Variants in ITCH observed in about 807,000 individuals in gnomAD.
ITCH encodes E3 ubiquitin-protein ligase Itchy homolog.
ITCH carries 28 observed loss-of-function variants against 126.8 expected under a neutral mutation model. The observed-to-expected ratio is 0.22, with a 90% confidence interval of 0.16 to 0.30. ITCH has a LOEUF of 0.30. Among genes scored for constraint, ITCH ranks in the 10% least tolerant of loss-of-function variants. The probability of loss-of-function intolerance (pLI) is 1.00; values close to 1 mark genes in which losing one functional copy is unlikely to be tolerated. For synonymous variants in ITCH, 342 were observed against 340.0 expected (o/e 1.01, Z -0.06); for missense variants, 631 against 1,032.4 (o/e 0.61, Z 5.33).
chr20:34,488,827 C>G (rs1405455509), intron 20 of ITCH, among the ~76,000 whole-genome samples: 4 of 152,198 alleles, frequency 2.6e-5, no homozygotes, highest in Admixed American at 2.6e-4. Flanking sequence ...CACTTGAGGC[C>G]AGATATTTAA....
intron 12 of ITCH, among the ~76,000 whole-genome samples, chr20:34,450,655 GC>G (rs1985083049): frequency 6.6e-6 from 1 of 152,152 alleles, no homozygotes; most frequent in African/African-American, 2.4e-5. Flanking sequence ...ACAACATAAA[GC>G]CCATTGTGGA....
At chr20:34,431,079 A>G (rs986978468) in intron 7 of ITCH, among the ~76,000 whole-genome samples, 4 of 152,090 alleles carry the variant, frequency 2.6e-5, no homozygotes, top group African/African-American at 7.2e-5. Context: ...ACCAAAACCT[A>G]AGAAGGAAGG....
chr20:34,488,582 G>A (rs557358543), intron 20 of ITCH, among the ~76,000 whole-genome samples: 126 of 152,070 alleles, frequency 8.3e-4, no homozygotes, highest in African/African-American at 2.7e-3. Context: ...GTGTGGTGGC[G>A]CACGCCTGTA....
intron 14 of ITCH, chr20:34,466,324 A>T (rs761592276): frequency 7.7e-6 from 4 of 516,364 alleles, no homozygotes; most frequent in Admixed American, 6.1e-5. Context: ...TTTTTTGCTG[A>T]TTTTTTTTTA....
intron 3 of ITCH, among the ~76,000 whole-genome samples, chr20:34,398,794 G>A (rs2038767971): frequency 6.6e-6 from 1 of 151,358 alleles, no homozygotes; most frequent in African/African-American, 2.4e-5. Flanking sequence ...TCAAGTGTAG[G>A]GCAAAAAACA....
At chr20:34,437,610 G>A (rs1035069451) in intron 7 of ITCH, among the ~76,000 whole-genome samples, 1 of 152,176 alleles carries the variant, frequency 6.6e-6, no homozygotes, top group Non-Finnish European at 1.5e-5. Flanking sequence ...CCCGGCCTCT[G>A]TTAGTTGAAT....
intron 3 of ITCH, among the ~76,000 whole-genome samples, chr20:34,404,975 A>G (rs1034381424): frequency 6.6e-6 from 1 of 151,548 alleles, no homozygotes; most frequent in Non-Finnish European, 1.5e-5. Flanking sequence ...CTCTACCAGA[A>G]AAAAAATACA....
intron 16 of ITCH, chr20:34,475,819 C>T: frequency 1.5e-6 from 1 of 685,184 alleles, no homozygotes; most frequent in Non-Finnish European, 2.6e-6. Flanking sequence ...AATAGTAAAG[C>T]TAGTCATAAT....
chr20:34,434,675 C>A (rs1443257921), intron 7 of ITCH, among the ~76,000 whole-genome samples: 1 of 151,952 alleles, frequency 6.6e-6, no homozygotes, highest in Non-Finnish European at 1.5e-5. Context: ...AGCAGATAAT[C>A]ATTATTTTTA....
intron 2 of ITCH, among the ~76,000 whole-genome samples, chr20:34,369,843 C>T (rs938803629): frequency 6.6e-6 from 1 of 152,038 alleles, no homozygotes; most frequent in Admixed American, 6.6e-5. Context: ...GTGGCTCATG[C>T]CTGTAATTCC....
chr20:34,503,873 T>TG (rs1569012767), intron 23 of ITCH, among the ~76,000 whole-genome samples: 16 of 106,122 alleles, frequency 1.5e-4, no homozygotes, highest in African/African-American at 2.0e-4. Flanking sequence ...TTTTTTGGTT[T>TG]TTTTTTTTTT....
chr20:34,473,321 T>G (rs1475885533), intron 16 of ITCH, among the ~76,000 whole-genome samples: 1 of 152,210 alleles, frequency 6.6e-6, no homozygotes, highest in Non-Finnish European at 1.5e-5. Flanking sequence ...TTTTTTAACT[T>G]TTATGGATTT....
intron 1 of ITCH, among the ~76,000 whole-genome samples, chr20:34,367,715 GTTGT>G (rs930184319): frequency 1.9e-4 from 29 of 152,182 alleles, no homozygotes; most frequent in African/African-American, 6.5e-4. Flanking sequence ...CTGTTTTGTT[GTTGT>G]TTGTTTGTTT....
chr20:34,385,222 G>GT lies in ITCH; in HGVS notation c.-21-8549dup, dbSNP rs1186821960. ...GTGTGTGTGTGTGTGTGTGTGTGTG[G>GT]TTTTTTTTTTTTTTTTTTTTAGCAG... On this transcript the variant is annotated intron_variant, in intron 2 of 24. Coordinates refer to ENST00000374864, the MANE Select transcript of ITCH (RefSeq NM_031483.7). Among the ~76,000 whole-genome samples, 712 of 85,074 alleles carry GT rather than the reference G, an allele frequency of 8.4e-3. 22 individuals carry two copies. The highest frequency in any genetic ancestry group is 0.035 in the Middle Eastern group (4 of 114). 55.8% of individuals were successfully genotyped at this position (85,074 alleles called of 152,430 possible).
chr20:34,449,232 G>A (rs1005308661), intron 11 of ITCH, among the ~76,000 whole-genome samples, 179 bp from the exon 12 acceptor site: 5 of 151,762 alleles, frequency 3.3e-5, no homozygotes, highest in African/African-American at 1.2e-4. Context: ...TGTTTGCACC[G>A]GTTTTTTTTA....
intron 16 of ITCH, chr20:34,475,857 T>A: frequency 1.1e-6 from 1 of 888,872 alleles, no homozygotes. Context: ...ATGTACTCAT[T>A]TTATCACTTA....
intron 3 of ITCH, among the ~76,000 whole-genome samples, chr20:34,405,114 C>T (rs888924624): frequency 1.4e-5 from 2 of 144,908 alleles, no homozygotes; most frequent in Non-Finnish European, 3.0e-5. Context: ...TATTCTCCAG[C>T]CTGGGTGACA....
intron 2 of ITCH, among the ~76,000 whole-genome samples, chr20:34,389,049 G>A (rs142109695): frequency 0.017 from 2,524 of 152,238 alleles, 38 homozygotes; most frequent in South Asian, 0.049. Context: ...ATATAACCAC[G>A]TCAGTGCATG....
At chr20:34,469,936 A>G in intron 14 of ITCH, 112 bp from the exon 15 acceptor site, 1 of 810,912 alleles carries the variant, frequency 1.2e-6, no homozygotes, top group South Asian at 1.3e-5. Context: ...AATATGCTAT[A>G]TTTTTGAATT....
Sources: gnomAD v4.1 joint callset for allele counts (sites outside exome capture counted in the v4.1 genomes callset) on GRCh38, gnomAD v4.1.1 for gene constraint, MANE v1.5 for transcripts, NCBI Gene and HGNC (gene_info 2026-07-23, HGNC 2026-07-21) for gene names.